The following INTS4 variants were observed in gnomAD, a reference collection of about 807,000 sequenced individuals.
The protein encoded by INTS4 is integrator complex subunit 4.
A neutral mutation model predicts 119.5 loss-of-function variants in INTS4; 70 were observed. The ratio of observed to expected loss-of-function variants is 0.59; its 90% CI spans 0.48 to 0.71. The LOEUF (loss-of-function observed/expected upper bound fraction) is 0.71. Among genes scored for constraint, INTS4 ranks in the 30% least tolerant of loss-of-function variants. The pLI, the probability that INTS4 is intolerant of heterozygous loss-of-function variation, is 0.00. For synonymous variants in INTS4, 316 were observed against 419.6 expected, an observed-to-expected ratio of 0.75 and a Z score of 3.02; for missense variants, 867 against 1,173.2, an observed-to-expected ratio of 0.74 and a Z score of 3.81.
intron 14 of INTS4, 73 bp downstream of exon 14, chr11:77,921,267 A>G (rs953223699): frequency 1.3e-6 from 2 of 1,518,234 alleles, no homozygotes; most frequent in Middle Eastern, 2.1e-4. Flanking sequence ...CCCCATCTCA[A>G]AGGAAAACAT....
At chr11:77,951,069 C>T (rs1018269981) in intron 8 of INTS4, among the ~76,000 whole-genome samples, 3 of 152,098 alleles carry the variant, frequency 2.0e-5, no homozygotes, top group Non-Finnish European at 4.4e-5. Context: ...TTTTTTATGG[C>T]TGCATAGGAT....
At chr11:77,883,399 A>C (rs1951869498) in intron 22 of INTS4, among the ~76,000 whole-genome samples, 1 of 152,210 alleles carries the variant, frequency 6.6e-6, no homozygotes, top group South Asian at 2.1e-4. Context: ...CAAATGAAAA[A>C]AAATATTTTT....
rs148846333 is a variant in INTS4, at chr11:77,965,786, T to C, written c.472-4648A>G. 4.2e-3 allele frequency among the ~76,000 whole-genome samples: 636 copies of C among 152,350 alleles called. 2 individuals carry two copies. Among genetic ancestry groups the C allele is most frequent in the Middle Eastern group, 0.024 (7 of 294 alleles). On this transcript the variant is annotated intron_variant, in intron 4 of 22. Transcript: ENST00000534064. Reference sequence around the variant, plus strand: ...ATTGTGAATACTGCTGCAATCAACATTGGAGTGCAAGCATCCCTTCAACAT... The same window carrying C: ...ATTGTGAATACTGCTGCAATCAACACTGGAGTGCAAGCATCCCTTCAACAT...
At chr11:77,960,201 T>C (rs1008498274) in intron 6 of INTS4, 140 bp downstream of exon 6, 1 of 574,118 alleles carries the variant, frequency 1.7e-6, no homozygotes, top group African/African-American at 1.9e-5. Context: ...GTTTTGAATA[T>C]GACTTCACAT....
At chr11:77,956,710 AAATAATAATAAT>A (rs199933134) in intron 7 of INTS4, among the ~76,000 whole-genome samples, 1,756 of 97,694 alleles carry the variant, frequency 0.018, 87 homozygotes, top group African/African-American at 0.045. Context: ...CCATCTCAAA[AAATAATAATAAT>A]AATAATAATA....
At chr11:77,880,353 G>A (rs1207945640) in intron 22 of INTS4, among the ~76,000 whole-genome samples, 1 of 152,144 alleles carries the variant, frequency 6.6e-6, no homozygotes, top group African/African-American at 2.4e-5. Context: ...GGAAAGGTTT[G>A]CAGTCAGCCC....
chr11:77,907,911 A>T, intron 15 of INTS4, 101 bp from the exon 16 acceptor site: 2 of 719,026 alleles, frequency 2.8e-6, no homozygotes, highest in Non-Finnish European at 4.6e-6. Flanking sequence ...CCTAGTAAAC[A>T]GTCATACATT....
chr11:77,925,603 A>T (rs995329895), intron 11 of INTS4, among the ~76,000 whole-genome samples: 12 of 152,268 alleles, frequency 7.9e-5, no homozygotes, highest in African/African-American at 2.9e-4. Flanking sequence ...AATGAGAAAT[A>T]TTAAAAGAGA....
chr11:77,905,511 T>C (rs1212788222), intron 16 of INTS4, among the ~76,000 whole-genome samples: 1 of 151,996 alleles, frequency 6.6e-6, no homozygotes, highest in African/African-American at 2.4e-5. Flanking sequence ...TTCTGCTGCT[T>C]GGATATCAGA....
chr11:77,885,313 G>A (rs1290603294), intron 21 of INTS4, among the ~76,000 whole-genome samples: 2 of 151,928 alleles, frequency 1.3e-5, no homozygotes, highest in African/African-American at 4.8e-5. Flanking sequence ...CTGACCTCAG[G>A]TGATCTTCCT....
At chr11:77,969,883 GA>G (rs1265610228) in intron 4 of INTS4, among the ~76,000 whole-genome samples, 1 of 152,036 alleles carries the variant, frequency 6.6e-6, no homozygotes. Context: ...ACCTATTATG[GA>G]AATTTAATAT....
At chr11:77,878,004 T>C (rs1299517358), downstream of INTS4, among the ~76,000 whole-genome samples, 1 of 152,168 alleles carries the variant, frequency 6.6e-6, no homozygotes, top group Non-Finnish European at 1.5e-5. Context: ...TTGTAAAATA[T>C]AGCTCTTCTA....
At chr11:77,945,446 T>C (rs1668326) in intron 8 of INTS4, among the ~76,000 whole-genome samples, 88,279 of 151,912 alleles carry the variant, frequency 0.58, 25,889 homozygotes, top group African/African-American at 0.61. Context: ...CTCTTCATCC[T>C]TGAGAACCCG....
intron 3 of INTS4, among the ~76,000 whole-genome samples, chr11:77,980,690 G>T (rs1315377950): frequency 8.5e-5 from 13 of 152,114 alleles, no homozygotes; most frequent in African/African-American, 3.1e-4. Context: ...CTGTTTTAGT[G>T]CTTTTAAAAA....
intron 16 of INTS4, among the ~76,000 whole-genome samples, chr11:77,904,884 T>A (rs1006300054): frequency 6.6e-6 from 1 of 152,216 alleles, no homozygotes; most frequent in African/African-American, 2.4e-5. Flanking sequence ...TGTTATTGTC[T>A]TTATTTGGAA....
intron 22 of INTS4, among the ~76,000 whole-genome samples, chr11:77,883,379 C>T (rs1395744617): frequency 6.6e-6 from 1 of 152,012 alleles, no homozygotes; most frequent in Non-Finnish European, 1.5e-5. Context: ...ACAATTCAGA[C>T]ATAAGTTGGC....
intron 15 of INTS4, among the ~76,000 whole-genome samples, chr11:77,912,663 G>C (rs1278485169): frequency 1.3e-5 from 2 of 151,974 alleles, no homozygotes; most frequent in Non-Finnish European, 2.9e-5. Flanking sequence ...ATGTCTCTTA[G>C]TAGCTTAGTA....
At chr11:77,881,639 T>G (rs1951795474) in intron 22 of INTS4, among the ~76,000 whole-genome samples, 1 of 152,200 alleles carries the variant, frequency 6.6e-6, no homozygotes, top group Non-Finnish European at 1.5e-5. Flanking sequence ...TTTAAAACCT[T>G]GTATTCAATT....
At chr11:77,920,208 C>CATATATAT (rs1953312601) in intron 14 of INTS4, among the ~76,000 whole-genome samples, 2 of 146,936 alleles carry the variant, frequency 1.4e-5, no homozygotes, top group Admixed American at 6.8e-5. Context: ...TATATATACA[C>CATATATAT]ACATATATAT....
Sources: allele counts gnomAD v4.1 joint callset (sites outside exome capture counted in the v4.1 genomes callset), GRCh38; gene constraint gnomAD v4.1.1; transcripts MANE v1.5; gene names NCBI Gene and HGNC (gene_info 2026-07-23, HGNC 2026-07-21).